Variants in LYPLAL1 observed in about 807,000 individuals in gnomAD.
LYPLAL1 encodes lysophospholipase-like protein 1.
LYPLAL1 carries 23 observed loss-of-function variants against 19.7 expected under a neutral mutation model. The ratio of observed to expected loss-of-function variants is 1.17; its 90% CI spans 0.84 to 1.65. The LOEUF (loss-of-function observed/expected upper bound fraction) is 1.65, where lower values mean the gene tolerates loss of function less well. Ranked by LOEUF, LYPLAL1 falls within the 40% of genes most tolerant of loss-of-function variation. The probability of loss-of-function intolerance (pLI) is 0.00; values close to 1 mark genes in which losing one functional copy is unlikely to be tolerated. For missense variants in LYPLAL1, 355 were observed against 279.4 expected (o/e 1.27, Z -1.93); for synonymous variants, 119 against 96.3 (o/e 1.24, Z -1.38).
At chr1:219,270,942 A>G in the LYPLAL1 span, 3 of 152,124 alleles carry the variant, frequency 2.0e-5, no homozygotes, top group Non-Finnish European at 2.9e-5. Flanking sequence ...TTGTTCATTT[A>G]TGGGTCACTT....
chr1:219,205,923 A>C (rs1274918311), intron 3 of LYPLAL1, among the ~76,000 whole-genome samples: 1 of 152,202 alleles, frequency 6.6e-6, no homozygotes, highest in Non-Finnish European at 1.5e-5. Flanking sequence ...TTTATCCCAC[A>C]AGTTTTGTAT....
the LYPLAL1 span, among the ~76,000 whole-genome samples, chr1:219,347,988 A>C: frequency 6.6e-6 from 1 of 152,192 alleles, no homozygotes. Context: ...TAAAATAAGA[A>C]ATCTGGATTA....
the LYPLAL1 span, among the ~76,000 whole-genome samples, chr1:219,325,278 A>G: frequency 2.6e-5 from 4 of 152,188 alleles, no homozygotes; most frequent in Non-Finnish European, 5.9e-5. Context: ...CACTTGTACT[A>G]CAAGATTTGT....
intron 2 of LYPLAL1, among the ~76,000 whole-genome samples, chr1:219,184,618 G>A (rs1656574979): frequency 1.3e-5 from 2 of 151,588 alleles, no homozygotes; most frequent in South Asian, 2.1e-4. Flanking sequence ...TTTATATTGA[G>A]GACATTTCTT....
the LYPLAL1 span, among the ~76,000 whole-genome samples, chr1:219,332,020 T>C: frequency 2.0e-5 from 3 of 152,160 alleles, no homozygotes; most frequent in Non-Finnish European, 4.4e-5. Flanking sequence ...TTCACTAAGA[T>C]GGAAAAGGAA....
the LYPLAL1 span, among the ~76,000 whole-genome samples, chr1:219,335,333 C>T: frequency 2.0e-5 from 3 of 151,766 alleles, no homozygotes; most frequent in Admixed American, 2.0e-4. Flanking sequence ...AAGTTAACTA[C>T]AAAAGTGAAA....
intron 1 of LYPLAL1, chr1:219,174,189 C>G (rs1655610745): frequency 3.5e-6 from 5 of 1,418,448 alleles, no homozygotes; most frequent in Non-Finnish European, 4.6e-6. Context: ...ATCGGGCGGT[C>G]ACTGGTCCAC....
chr1:219,183,814 T>A (rs1656492417), intron 2 of LYPLAL1, among the ~76,000 whole-genome samples: 1 of 151,928 alleles, frequency 6.6e-6, no homozygotes, highest in Non-Finnish European at 1.5e-5. Context: ...ACACAGTTTG[T>A]TTATTTATCT....
At chr1:219,191,745 C>A (rs1435918123) in intron 2 of LYPLAL1, among the ~76,000 whole-genome samples, 1 of 151,246 alleles carries the variant, frequency 6.6e-6, no homozygotes. Context: ...TATATATAAT[C>A]TCATATTTAA....
intron 2 of LYPLAL1, among the ~76,000 whole-genome samples, chr1:219,180,447 A>G (rs999572043): frequency 6.6e-6 from 1 of 152,238 alleles, no homozygotes; most frequent in African/African-American, 2.4e-5. Context: ...AAAAGGGAGA[A>G]CAAAATGATA....
the LYPLAL1 span, among the ~76,000 whole-genome samples, chr1:219,218,054 G>A: frequency 6.6e-6 from 1 of 151,896 alleles, no homozygotes; most frequent in African/African-American, 2.4e-5. Flanking sequence ...TTAAAGAGAA[G>A]TAAAATGTTT....
chr1:219,331,357 A>C, the LYPLAL1 span, among the ~76,000 whole-genome samples: 1 of 151,964 alleles, frequency 6.6e-6, no homozygotes, highest in South Asian at 2.1e-4. Context: ...AACAACAATT[A>C]CTCTCATTCA....
At chr1:219,205,614 C>T (rs1658514602) in intron 3 of LYPLAL1, among the ~76,000 whole-genome samples, 2 of 151,866 alleles carry the variant, frequency 1.3e-5, no homozygotes, top group African/African-American at 4.8e-5. Flanking sequence ...ACATTTTGTA[C>T]AATGGGTGTA....
chr1:219,383,087 A>T, the LYPLAL1 span, among the ~76,000 whole-genome samples: 205 of 152,358 alleles, frequency 1.3e-3, no homozygotes, highest in African/African-American at 3.8e-3. Context: ...CAACAAAACA[A>T]CAATAGCTGC....
the LYPLAL1 span, among the ~76,000 whole-genome samples, chr1:219,306,741 CATAGATAGATAGATAG>C: frequency 5.5e-5 from 7 of 128,102 alleles, no homozygotes; most frequent in African/African-American, 1.9e-4. Context: ...CAGACAGATG[CATAGATAGATAGATAG>C]ATAGATAGAT....
At chr1:219,376,575 T>C in the LYPLAL1 span, among the ~76,000 whole-genome samples, 2 of 152,220 alleles carry the variant, frequency 1.3e-5, no homozygotes, top group Non-Finnish European at 2.9e-5. Flanking sequence ...GAGTAGAGGT[T>C]GGCATCCATA....
At chr1:219,400,845 T>G in the LYPLAL1 span, among the ~76,000 whole-genome samples, 1 of 152,288 alleles carries the variant, frequency 6.6e-6, no homozygotes, top group East Asian at 1.9e-4. Flanking sequence ...TAGCTATCTA[T>G]CTAATGATTG....
chr1:219,269,420 A>T, the LYPLAL1 span, among the ~76,000 whole-genome samples: 1 of 151,854 alleles, frequency 6.6e-6, no homozygotes, highest in African/African-American at 2.4e-5. Flanking sequence ...CAGACTTCAC[A>T]GGTAGTGGAA....
chr1:219,196,447 T>A (rs1045079126), intron 3 of LYPLAL1, among the ~76,000 whole-genome samples: 4 of 152,194 alleles, frequency 2.6e-5, no homozygotes, highest in African/African-American at 9.7e-5. Context: ...TGATAAGTGA[T>A]GTTGAGCTTT....
Sources: allele counts gnomAD v4.1 joint callset (sites outside exome capture counted in the v4.1 genomes callset), GRCh38; gene constraint gnomAD v4.1.1; transcripts MANE v1.5; gene names NCBI Gene and HGNC (gene_info 2026-07-23, HGNC 2026-07-21).